LGSN: variants seen among roughly 807,000 people sequenced by gnomAD.
LGSN encodes lengsin.
In LGSN, 21 loss-of-function variants were observed where a neutral mutation model predicts 19.5. The observed-to-expected ratio is 1.07, with a 90% CI of 0.76 to 1.55. LGSN has a LOEUF of 1.55. Ranked by LOEUF, LGSN falls within the 40% of genes most tolerant of loss-of-function variation. LGSN has a pLI of 0.00. For synonymous variants in LGSN, 257 were observed against 215.6 expected, an observed-to-expected ratio of 1.19 and a Z score of -1.68; for missense variants, 673 against 608.5, an observed-to-expected ratio of 1.11 and a Z score of -1.12.
At chr6:63,358,172 G>A in the LGSN span, among the ~76,000 whole-genome samples, 1 of 152,134 alleles carries the variant, frequency 6.6e-6, no homozygotes, top group East Asian at 1.9e-4. Context: ...TGAGGGCTCT[G>A]TTCTGTTCCA....
the LGSN span, among the ~76,000 whole-genome samples, chr6:63,505,633 G>GAAAGAAAGAAAGAAAGAAATAAATAAAT: frequency 1.0e-5 from 1 of 97,200 alleles, no homozygotes; most frequent in African/African-American, 4.1e-5. Context: ...AAGAAAGAAA[G>GAAAGAAAGAAAGAAAGAAATAAATAAAT]AAATTCTGGC....
At chr6:63,417,676 T>G in the LGSN span, among the ~76,000 whole-genome samples, 1 of 152,146 alleles carries the variant, frequency 6.6e-6, no homozygotes, top group Non-Finnish European at 1.5e-5. Flanking sequence ...TAAAACTATG[T>G]AAAAGTGTGG....
chr6:63,441,364 T>A, the LGSN span: 4 of 473,400 alleles, frequency 8.4e-6, no homozygotes, highest in Admixed American at 9.5e-5. Context: ...AACAGGCTGG[T>A]CACCTTGTCG....
intron 2 of LGSN, among the ~76,000 whole-genome samples, chr6:63,289,322 T>G (rs1181736257): frequency 6.6e-6 from 1 of 152,214 alleles, no homozygotes; most frequent in Non-Finnish European, 1.5e-5. Context: ...GAGAACGCTA[T>G]CCAATCCCAT....
chr6:63,403,314 G>T, the LGSN span, among the ~76,000 whole-genome samples: 2 of 152,116 alleles, frequency 1.3e-5, no homozygotes, highest in Non-Finnish European at 2.9e-5. Context: ...ACTAAGTAAG[G>T]TTTGTGGTGC....
intron 2 of LGSN, among the ~76,000 whole-genome samples, chr6:63,288,415 A>T (rs1184855778): frequency 6.6e-6 from 1 of 151,898 alleles, no homozygotes; most frequent in Non-Finnish European, 1.5e-5. Flanking sequence ...GATAATAAAC[A>T]TGCCATCAAA....
chr6:63,522,329 G>A, the LGSN span, among the ~76,000 whole-genome samples: 1 of 152,166 alleles, frequency 6.6e-6, no homozygotes, highest in Non-Finnish European at 1.5e-5. Context: ...CCATATTCAT[G>A]ATGTAAATGA....
At chr6:63,332,254 A>G in the LGSN span, among the ~76,000 whole-genome samples, 16 of 152,320 alleles carry the variant, frequency 1.1e-4, no homozygotes, top group South Asian at 2.5e-3. Context: ...TCATTCTTAT[A>G]GGAGAAACTA....
chr6:63,339,097 AG>A, the LGSN span, among the ~76,000 whole-genome samples: 1 of 152,182 alleles, frequency 6.6e-6, no homozygotes, highest in African/African-American at 2.4e-5. Flanking sequence ...CCTAATATAT[AG>A]TCTATCCTGG....
the LGSN span, among the ~76,000 whole-genome samples, chr6:63,440,105 T>C: frequency 6.6e-6 from 1 of 152,168 alleles, no homozygotes; most frequent in Non-Finnish European, 1.5e-5. Flanking sequence ...AGATTCTACT[T>C]GTAAGTTCTG....
At chr6:63,501,047 T>C in the LGSN span, among the ~76,000 whole-genome samples, 59 of 152,052 alleles carry the variant, frequency 3.9e-4, no homozygotes, top group Non-Finnish European at 7.5e-4. Flanking sequence ...ATTTCAAATC[T>C]GTGAGGGCTT....
rs1050653028 is a variant in LGSN at position 63,283,523 on chromosome 6, T to C, written c.330+2064A>G. ...TTTAAATAAAAATCTGCCCTTTTGA[T>C]TGATAGAACAGAGATAATATAAGTT... On this transcript the variant is annotated intron_variant, in intron 3 of 3. Coordinates refer to ENST00000370657, the MANE Select transcript of LGSN (RefSeq NM_016571.3). Among the ~76,000 whole-genome samples, 5 of 152,064 alleles carry C rather than the reference T, an allele frequency of 3.3e-5. No individual in the cohort carries two copies. The Middle Eastern group carries it at 0.01, about 312-fold the overall frequency.
At chr6:63,330,457 C>T in the LGSN span, among the ~76,000 whole-genome samples, 1 of 152,194 alleles carries the variant, frequency 6.6e-6, no homozygotes, top group Non-Finnish European at 1.5e-5. Flanking sequence ...GAGCTTTCTC[C>T]TGATATCTGC....
Position 63,281,312 on chromosome 6 carries a change from TATATATATATATATATATAATAA to T in LGSN, c.331-115_331-93del, listed in dbSNP as rs1562003754. The T allele has an allele frequency of 2.1e-4, 35 of 167,312 alleles. No individual in the cohort carries two copies. The South Asian group carries it at 6.7e-3, about 32-fold the overall frequency. The allele number at this position is 167,312 out of a possible 1,614,324, so 10.4% of individuals were successfully genotyped here. A position where few individuals can be genotyped will look rare whatever the true frequency, so the allele number is the denominator to read the frequency against. The stretch of plus-strand genomic sequence containing the variant: ...AAAGCCTTGCTAATGAAAATATATA[TATATATATATATATATATAATAA>T]ATATATATATATATGTTTAACACTT... On this transcript the variant is annotated intron_variant, in intron 3 of 3. Coordinates refer to ENST00000370657, the MANE Select transcript of LGSN (RefSeq NM_016571.3).
At chr6:63,300,927 G>C (rs1009391838) in intron 1 of LGSN, among the ~76,000 whole-genome samples, 5 of 152,022 alleles carry the variant, frequency 3.3e-5, no homozygotes, top group Admixed American at 2.0e-4. Flanking sequence ...TAACTTCCTA[G>C]GTTTTACACT....
the LGSN span, among the ~76,000 whole-genome samples, chr6:63,564,194 T>C: frequency 2.6e-5 from 4 of 151,488 alleles, no homozygotes; most frequent in Middle Eastern, 3.4e-3. Context: ...GAGAATCACT[T>C]GAACCCGGGA....
At chr6:63,549,475 C>A in the LGSN span, 2 of 786,774 alleles carry the variant, frequency 2.5e-6, no homozygotes, top group Non-Finnish European at 4.4e-6. Flanking sequence ...GCCGGAGCCA[C>A]CTTCTTTCCC....
intron 2 of LGSN, among the ~76,000 whole-genome samples, 160 bp from the exon 3 acceptor site, chr6:63,285,913 C>A (rs529136638): frequency 1.3e-5 from 2 of 152,250 alleles, no homozygotes; most frequent in African/African-American, 4.8e-5. Context: ...TCTTATTCTG[C>A]CTTTACCGTC....
the LGSN span, among the ~76,000 whole-genome samples, chr6:63,515,083 A>G: frequency 1.3e-5 from 2 of 152,046 alleles, no homozygotes; most frequent in Non-Finnish European, 2.9e-5. Flanking sequence ...GCTTACTGCA[A>G]CCTTGAACTC....
Sources: gnomAD v4.1 joint callset for allele counts (sites outside exome capture counted in the v4.1 genomes callset) on GRCh38, gnomAD v4.1.1 for gene constraint, MANE v1.5 for transcripts, NCBI Gene and HGNC (gene_info 2026-07-23, HGNC 2026-07-21) for gene names.